The following XPO7 variants were observed in gnomAD, a reference collection of about 807,000 sequenced individuals.
XPO7 encodes exportin-7.
A neutral mutation model predicts 144.3 loss-of-function variants in XPO7; 21 were observed. The ratio of observed to expected loss-of-function variants is 0.15; its 90% confidence interval spans 0.10 to 0.21. XPO7 has a LOEUF of 0.21. XPO7 is among the 10% of genes least tolerant of loss of function. The probability of loss-of-function intolerance (pLI) is 1.00; values close to 1 mark genes in which losing one functional copy is unlikely to be tolerated. For missense variants in XPO7, 808 were observed against 1,325.8 expected, an observed-to-expected ratio of 0.61 and a Z score of 6.06; for synonymous variants, 580 against 499.6, an observed-to-expected ratio of 1.16 and a Z score of -2.15.
intron 8 of XPO7, among the ~76,000 whole-genome samples, chr8:21,978,699 C>A (rs1219548177): frequency 6.6e-6 from 1 of 152,110 alleles, no homozygotes; most frequent in Admixed American, 6.5e-5. Context: ...TAGTGGGGAG[C>A]CTCAAAGGGC....
chr8:22,001,142 G>A (rs1225044615), intron 24 of XPO7, among the ~76,000 whole-genome samples: 2 of 151,850 alleles, frequency 1.3e-5, no homozygotes, highest in Non-Finnish European at 1.5e-5. Context: ...GCAAAACCCT[G>A]TCTCTGTACA....
rs141354835 is a variant in XPO7 at position 21,946,470 on chromosome 8, C to T, written c.19-20387C>T. ...TGAAGATACTGTTCAGATTACAGCA[C>T]GGGGCGACAAAGGACATGAAAACTG... On this transcript the variant is annotated intron_variant, in intron 1 of 27. Coordinates refer to ENST00000252512, the MANE Select transcript of XPO7 (RefSeq NM_015024.5). Among the ~76,000 whole-genome samples, 83 of 150,364 alleles carry T rather than the reference C, an allele frequency of 5.5e-4. 3 individuals carry two copies. The East Asian group carries it at 0.01, about 19-fold the overall frequency.
rs1188812227 is a variant in XPO7, at chr8:21,970,329, A to G, written c.426+19A>G. ...TTTACAGGTACAGTGTATATATTTG[A>G]TGTAATGGGAATGGGAGAACCAGCA... On this transcript the variant is annotated intron_variant, in intron 4 of 27. Coordinates refer to ENST00000252512, the MANE Select transcript of XPO7 (RefSeq NM_015024.5). 5.6e-6 allele frequency: 9 copies of G among 1,605,334 alleles called. No homozygotes were observed. The African/African-American group carries it at 6.7e-5, about 12-fold the overall frequency.
At chr8:21,995,433 T>A in intron 20 of XPO7, 59 bp from the exon 21 acceptor site, 1 of 1,475,238 alleles carries the variant, frequency 6.8e-7, no homozygotes, top group South Asian at 1.2e-5. Flanking sequence ...GCTGAAAAAC[T>A]ATTTTAAATT....
chr8:21,933,622 A>G (rs567765738), intron 1 of XPO7, among the ~76,000 whole-genome samples: 3 of 152,218 alleles, frequency 2.0e-5, no homozygotes, highest in Non-Finnish European at 4.4e-5. Flanking sequence ...TTTATATTAT[A>G]TTTTATTTAT....
In XPO7 at chr8:22,003,322, G is replaced by A. The variant is rs1813217776; in HGVS notation, c.3042+5G>A. ...TTGATATTGCTTAATGAAAAGGTGA[G>A]AGAGCCAGCTCCCTGGTGCCAACCC... On this transcript the variant is annotated splice_donor_5th_base_variant and intron_variant, in intron 26 of 27. Coordinates refer to ENST00000252512, the MANE Select transcript of XPO7 (RefSeq NM_015024.5). The A allele has an allele frequency of 1.2e-6, 2 of 1,604,556 alleles. No homozygotes were observed. Among genetic ancestry groups the A allele is most frequent in the East Asian group, 2.2e-5 (1 of 44,650 alleles).
intron 21 of XPO7, among the ~76,000 whole-genome samples, 166 bp downstream of exon 21, chr8:21,995,765 A>G (rs947266401): frequency 1.3e-5 from 2 of 152,220 alleles, no homozygotes; most frequent in Admixed American, 6.5e-5. Context: ...TAGTATTCCT[A>G]ACTACACAAA....
chr8:21,980,918 C>T (rs1168262986), intron 9 of XPO7, among the ~76,000 whole-genome samples: 1 of 152,084 alleles, frequency 6.6e-6, no homozygotes, highest in Non-Finnish European at 1.5e-5. Flanking sequence ...AACTCGATTG[C>T]CCTTTTTGTC....
chr8:22,005,124 C>G lies in XPO7; in HGVS notation c.*36C>G. 6.4e-7 allele frequency: 1 copy of G among 1,555,240 alleles called. No homozygotes were observed. Among genetic ancestry groups the G allele is most frequent in the East Asian group, 2.3e-5 (1 of 43,348 alleles). On this transcript the variant is annotated 3_prime_UTR_variant, in exon 28 of 28. Transcript: ENST00000252512. ...GACTCTACCTGTACAGAGCAGCGTC[C>G]CTTTGGTTTGGCCCAGAGGGGCGAA...
chr8:21,982,691 C>T lies in XPO7; in HGVS notation c.1156C>T (p.Arg386Trp), dbSNP rs1156913632. 1.2e-6 allele frequency: 2 copies of T among 1,611,738 alleles called. No homozygotes were observed. The highest frequency in any genetic ancestry group is 2.2e-5 in the East Asian group (1 of 44,880). ...GCACTATCTTCTGAGCCTGTGGCAG[C>T]GGCTGGCAGCCTCTGTGCCGTATGT... ...SVHYLLSLWQ[R>W]LAASVPYVKA... is the part of the protein sequence containing the mutation. Residue 386 changes from arginine (R) to tryptophan (W), a missense_variant, in exon 11 of 28, where the codon CGG becomes TGG. Arg to Trp is a moderately radical substitution (Grantham distance 101). This residue lies in a region of XPO7 where 26 missense variants were observed against 85.8 expected (regional missense o/e 0.30). Coordinates refer to ENST00000252512, the MANE Select transcript of XPO7 (RefSeq NM_015024.5).
rs34622488 is a variant in XPO7 at position 21,941,133 on chromosome 8, C to CTTT, written c.18+21356_18+21358dup. ...TATAACAAGCGTATCCTCCTATATGCTTTTTTTTTTTTTCTTCCCTTTGAG... is the reference window on the plus strand; with the variant it reads ...TATAACAAGCGTATCCTCCTATATGCTTTTTTTTTTTTTTTTCTTCCCTTTGAG... On this transcript the variant is annotated intron_variant, in intron 1 of 27. Transcript: ENST00000252512. 1.3e-3 allele frequency among the ~76,000 whole-genome samples: 183 copies of CTTT among 145,456 alleles called. 2 individuals are homozygous for CTTT. Among genetic ancestry groups the CTTT allele is most frequent in the East Asian group, 6.4e-3 (32 of 4,996 alleles).
At chr8:21,930,622 C>G (rs1325237881) in intron 1 of XPO7, among the ~76,000 whole-genome samples, 3 of 152,130 alleles carry the variant, frequency 2.0e-5, no homozygotes, top group African/African-American at 7.2e-5. Flanking sequence ...GCAAATATGG[C>G]TTCTGTGGAG....
At chr8:21,963,432 A>C (rs931204134) in intron 1 of XPO7, among the ~76,000 whole-genome samples, 1 of 152,250 alleles carries the variant, frequency 6.6e-6, no homozygotes, top group Non-Finnish European at 1.5e-5. Context: ...ACGGTGGCTC[A>C]CGCCTGTAAT....
intron 1 of XPO7, among the ~76,000 whole-genome samples, chr8:21,959,955 T>G (rs192366546): frequency 6.6e-6 from 1 of 152,202 alleles, no homozygotes; most frequent in Admixed American, 6.5e-5. Flanking sequence ...TAACCGAATT[T>G]GGTGAAGCAG....
intron 1 of XPO7, among the ~76,000 whole-genome samples, chr8:21,947,042 T>C (rs895023428): frequency 1.2e-4 from 18 of 152,230 alleles, no homozygotes; most frequent in Non-Finnish European, 2.2e-4. Flanking sequence ...CCATAAGGGA[T>C]ATACTTAAAG....
At position 21,976,370 on chromosome 8, in the gene XPO7, T is replaced by C; in HGVS notation, c.612T>C (p.Asn204=). 6.2e-7 allele frequency: 1 copy of C among 1,613,736 alleles called. No individual in the cohort carries two copies. The highest frequency in any genetic ancestry group is 8.5e-7 in the Non-Finnish European group (1 of 1,179,770). ...CNLLKQASGK[N]LNLNDESQHG... Reference sequence around the variant, plus strand: ...AATTTTTACAGGCTTCAGGAAAGAATCTAAACTTGAATGATGAAAGTCAGC... The same window carrying C: ...AATTTTTACAGGCTTCAGGAAAGAACCTAAACTTGAATGATGAAAGTCAGC... Residue 204 remains asparagine (N), a synonymous_variant, in exon 7 of 28, where the codon AAT becomes AAC. Coordinates refer to ENST00000252512, the MANE Select transcript of XPO7 (RefSeq NM_015024.5).
intron 1 of XPO7, among the ~76,000 whole-genome samples, chr8:21,932,153 C>G (rs1400083483): frequency 6.6e-6 from 1 of 152,216 alleles, no homozygotes; most frequent in Non-Finnish European, 1.5e-5. Context: ...CAGGCGTGAG[C>G]CACCACGCCT....
intron 1 of XPO7, among the ~76,000 whole-genome samples, chr8:21,930,354 G>A (rs1027128043): frequency 6.6e-6 from 1 of 152,178 alleles, no homozygotes; most frequent in Non-Finnish European, 1.5e-5. Context: ...AAAATACAGT[G>A]TCCTTGCTCA....
rs12114167 is a variant in XPO7 at position 22,002,044 on chromosome 8, A to G, written c.2783-68A>G. 4.1e-3 allele frequency: 6,290 copies of G among 1,524,354 alleles called. 234 individuals carry two copies. The African/African-American group carries it at 0.077, about 19-fold the overall frequency. 94.4% of individuals were successfully genotyped at this position (1,524,354 alleles called of 1,614,324 possible). Reference sequence around the variant, plus strand: ...ACGGTACCCTAATGGATCTCACCCAAAGATAGTCCATATTTGTCCAGGCCA... The same window carrying G: ...ACGGTACCCTAATGGATCTCACCCAGAGATAGTCCATATTTGTCCAGGCCA... On this transcript the variant is annotated intron_variant, in intron 24 of 27. Transcript: ENST00000252512.
Sources: allele counts gnomAD v4.1 joint callset (sites outside exome capture counted in the v4.1 genomes callset), GRCh38; gene constraint gnomAD v4.1.1; regional missense constraint gnomAD v4.1.1; transcripts MANE v1.5; gene names NCBI Gene and HGNC (gene_info 2026-07-23, HGNC 2026-07-21).